MTAP: variants seen among roughly 807,000 people sequenced by gnomAD.
The protein encoded by MTAP is methylthioadenosine phosphorylase, also known as S-methyl-5'-thioadenosine phosphorylase.
In MTAP, 33 loss-of-function variants were observed where a neutral mutation model predicts 33.6. The ratio of observed to expected loss-of-function variants is 0.98; its 90% CI spans 0.74 to 1.31. The LOEUF (loss-of-function observed/expected upper bound fraction) is 1.31. Ranked by LOEUF, MTAP falls within the 40% of genes most tolerant of loss-of-function variation. The pLI, the probability that MTAP is intolerant of heterozygous loss-of-function variation, is 0.00. For synonymous variants in MTAP, 148 were observed against 125.7 expected (o/e 1.18, Z -1.19); for missense variants, 367 against 360.0 (o/e 1.02, Z -0.16).
intron 5 of MTAP, among the ~76,000 whole-genome samples, chr9:21,844,081 T>C (rs200638416): frequency 6.6e-6 from 1 of 152,128 alleles, no homozygotes; most frequent in Admixed American, 6.5e-5. Context: ...CAAAAGACTA[T>C]TCAAGGCTAC....
chr9:21,829,248 C>G (rs1587221827), intron 4 of MTAP, among the ~76,000 whole-genome samples: 1 of 152,096 alleles, frequency 6.6e-6, no homozygotes, highest in East Asian at 1.9e-4. Context: ...CCTGTAAAGC[C>G]ACCCCGTGGA....
chr9:21,886,172 C>G (rs1278676227), intron 1 of MTAP, among the ~76,000 whole-genome samples: 1 of 151,088 alleles, frequency 6.6e-6, no homozygotes, highest in Non-Finnish European at 1.5e-5. Context: ...GGTCGTATCA[C>G]GTTGTGGTTT....
At chr9:21,871,450 A>T (rs1030700568), downstream of MTAP, among the ~76,000 whole-genome samples, 1 of 152,178 alleles carries the variant, frequency 6.6e-6, no homozygotes, top group African/African-American at 2.4e-5. Context: ...TGCACTTTGC[A>T]AACACCCTAT....
At chr9:21,874,112 G>A (rs1004157428) in intron 1 of MTAP, among the ~76,000 whole-genome samples, 1 of 152,056 alleles carries the variant, frequency 6.6e-6, no homozygotes, top group Non-Finnish European at 1.5e-5. Context: ...AAGATTACAA[G>A]GCTAAAGCAG....
intron 5 of MTAP, among the ~76,000 whole-genome samples, chr9:21,842,079 AAAAT>A (rs1256955834): frequency 6.6e-6 from 1 of 152,228 alleles, no homozygotes; most frequent in Non-Finnish European, 1.5e-5. Context: ...TCATAAAGAA[AAAAT>A]AAATCACAGC....
intron 1 of MTAP, among the ~76,000 whole-genome samples, chr9:21,805,575 A>T (rs1005038026): frequency 5.9e-5 from 9 of 152,198 alleles, no homozygotes; most frequent in African/African-American, 2.2e-4. Flanking sequence ...TTGAAACCTA[A>T]TCGCCAATGT....
chr9:21,887,877 G>T (rs913400660), intron 1 of MTAP, among the ~76,000 whole-genome samples: 1 of 152,034 alleles, frequency 6.6e-6, no homozygotes, highest in Non-Finnish European at 1.5e-5. Flanking sequence ...GTTTTGTGTG[G>T]GGGGGTTGCA....
chr9:21,826,609 T>TTTA (rs149631009), intron 4 of MTAP, among the ~76,000 whole-genome samples: 23,986 of 140,606 alleles, frequency 0.17, 2,146 homozygotes, highest in Middle Eastern at 0.25. Flanking sequence ...TGGGGTTTTG[T>TTTA]TTATTATTAT....
At chr9:21,857,438 G>A (rs186319495) in intron 6 of MTAP, among the ~76,000 whole-genome samples, 6 of 152,216 alleles carry the variant, frequency 3.9e-5, no homozygotes, top group Non-Finnish European at 8.8e-5. Context: ...TTTGTGGGTG[G>A]GATCTGGACT....
downstream of MTAP, among the ~76,000 whole-genome samples, chr9:21,870,778 T>C (rs1466897143): frequency 6.7e-6 from 1 of 149,052 alleles, no homozygotes; most frequent in Admixed American, 6.9e-5. Context: ...AATTTTTTTT[T>C]CTTTTTTTTT....
chr9:21,842,301 G>C (rs4295749), intron 5 of MTAP, among the ~76,000 whole-genome samples: 34,680 of 152,096 alleles, frequency 0.23, 5,745 homozygotes, highest in African/African-American at 0.47. Flanking sequence ...AATAATTGGT[G>C]TTCCTGCAGA....
At chr9:21,831,778 G>GATATTGATTTTT in intron 4 of MTAP, among the ~76,000 whole-genome samples, 1 of 140,880 alleles carries the variant, frequency 7.1e-6, no homozygotes, top group East Asian at 2.2e-4. Flanking sequence ...ATGTTTTGCA[G>GATATTGATTTTT]ATATTGATTT....
At chr9:21,825,780 A>G (rs1298931502) in intron 4 of MTAP, among the ~76,000 whole-genome samples, 1 of 152,202 alleles carries the variant, frequency 6.6e-6, no homozygotes. Context: ...GGTCAAGGCT[A>G]GAATGATTCA....
At position 21,818,033 on chromosome 9, in the gene MTAP, A is replaced by C. The variant is rs774403108; in HGVS notation, c.180-2A>C. The C allele has an allele frequency of 6.2e-7, 1 of 1,605,186 alleles. No individual in the cohort carries two copies. Among genetic ancestry groups the C allele is most frequent in the Non-Finnish European group, 8.5e-7 (1 of 1,176,796 alleles). ...TTAACAATTTCTTCTCTCCTTCCATAGGCATGGAAGGCAGCACACCATCAT... is the reference window on the plus strand; with the variant it reads ...TTAACAATTTCTTCTCTCCTTCCATCGGCATGGAAGGCAGCACACCATCAT... On this transcript the variant is annotated splice_acceptor_variant, in intron 3 of 7. Coordinates refer to ENST00000644715, the MANE Select transcript of MTAP (RefSeq NM_002451.4). LOFTEE classifies it high-confidence loss of function.
chr9:21,901,197 A>G (rs1818387504), intron 1 of MTAP, among the ~76,000 whole-genome samples: 1 of 152,226 alleles, frequency 6.6e-6, no homozygotes, highest in African/African-American at 2.4e-5. Context: ...ATACACATTG[A>G]CAAAAGAAAA....
At chr9:21,885,152 T>C (rs1331627017) in intron 1 of MTAP, among the ~76,000 whole-genome samples, 1 of 152,112 alleles carries the variant, frequency 6.6e-6, no homozygotes, top group Admixed American at 6.6e-5. Context: ...TTACATCTTT[T>C]AAGAAGAAAA....
intron 5 of MTAP, among the ~76,000 whole-genome samples, chr9:21,853,295 G>T (rs778796553): frequency 6.6e-6 from 1 of 152,010 alleles, no homozygotes; most frequent in Admixed American, 6.6e-5. Flanking sequence ...TTAACTTTAG[G>T]GGGGAAAAGG....
chr9:21,859,016 C>G (rs1486867057), intron 6 of MTAP: 2 of 235,598 alleles, frequency 8.5e-6, no homozygotes, highest in Admixed American at 5.7e-5. Context: ...GGTAGACAGC[C>G]ATCTTCTCAC....
intron 1 of MTAP, among the ~76,000 whole-genome samples, chr9:21,873,104 G>A (rs1825959126): frequency 6.6e-6 from 1 of 152,142 alleles, no homozygotes; most frequent in South Asian, 2.1e-4. Flanking sequence ...TAATCAGGAT[G>A]TAATAAAATT....
Sources: allele counts gnomAD v4.1 joint callset (sites outside exome capture counted in the v4.1 genomes callset), GRCh38; gene constraint gnomAD v4.1.1; transcripts MANE v1.5; gene names NCBI Gene and HGNC (gene_info 2026-07-23, HGNC 2026-07-21).